ELMO1: variants seen among roughly 807,000 people sequenced by gnomAD.
ELMO1 encodes the protein engulfment and cell motility protein 1.
ELMO1 carries 26 observed loss-of-function variants against 98.9 expected under a neutral mutation model. The ratio of observed to expected loss-of-function variants is 0.26; its 90% CI spans 0.19 to 0.36. ELMO1 has a LOEUF of 0.36. ELMO1 is among the 10% of genes least tolerant of loss of function. The pLI is 1.00. For missense variants in ELMO1, 627 were observed against 935.2 expected (o/e 0.67, Z 4.30); for synonymous variants, 346 against 346.0 (o/e 1.00, Z 0.00).
At chr7:37,338,505 T>G (rs1800542690) in intron 2 of ELMO1, among the ~76,000 whole-genome samples, 1 of 152,178 alleles carries the variant, frequency 6.6e-6, no homozygotes, top group South Asian at 2.1e-4. Flanking sequence ...AAATTTCTGT[T>G]GTTCATAAAT....
rs148979639 is a variant in ELMO1, at chr7:36,998,648, T to C, written c.1437+14651A>G. On this transcript the variant is annotated intron_variant, in intron 16 of 21. Coordinates refer to ENST00000310758, the MANE Select transcript of ELMO1 (RefSeq NM_014800.11). ...GAGAGTGGTTCACAGGGTCAAGGGC[T>C]ACAAAGGTGGCAAACAAGATTGAGA... 3.1e-3 allele frequency among the ~76,000 whole-genome samples: 470 copies of C among 152,256 alleles called. 2 individuals carry two copies. The highest frequency in any genetic ancestry group is 0.011 in the African/African-American group (450 of 41,548).
chr7:37,167,391 C>T (rs1563051061), intron 13 of ELMO1, among the ~76,000 whole-genome samples: 2 of 151,964 alleles, frequency 1.3e-5, no homozygotes, highest in Non-Finnish European at 2.9e-5. Context: ...ATGATGTTAG[C>T]TGGTTATTTT....
intron 21 of ELMO1, among the ~76,000 whole-genome samples, chr7:36,859,836 G>A (rs761727462): frequency 1.3e-5 from 2 of 151,992 alleles, no homozygotes; most frequent in Non-Finnish European, 2.9e-5. Flanking sequence ...ACTTATACAT[G>A]GATTTTTTTC....
intron 16 of ELMO1, among the ~76,000 whole-genome samples, chr7:37,001,101 AT>A (rs770502040): frequency 3.9e-5 from 6 of 152,186 alleles, no homozygotes; most frequent in Non-Finnish European, 8.8e-5. Context: ...GACAACTGCC[AT>A]TTTTATTAAG....
chr7:37,364,792 T>C (rs997666752), intron 1 of ELMO1, among the ~76,000 whole-genome samples: 1 of 152,178 alleles, frequency 6.6e-6, no homozygotes, highest in Non-Finnish European at 1.5e-5. Context: ...TTACCATTGA[T>C]AGAAAGATAA....
chr7:36,987,002 G>C (rs1791556913), intron 16 of ELMO1, among the ~76,000 whole-genome samples: 1 of 152,178 alleles, frequency 6.6e-6, no homozygotes, highest in African/African-American at 2.4e-5. Context: ...GCAAATAAAA[G>C]TTAAAGTTTG....
chr7:37,404,221 C>T (rs972494589), intron 1 of ELMO1, among the ~76,000 whole-genome samples: 1 of 152,140 alleles, frequency 6.6e-6, no homozygotes, highest in Admixed American at 6.5e-5. Flanking sequence ...TTTCCATCCT[C>T]ACTGGTCCAC....
At chr7:37,216,771 T>G in intron 10 of ELMO1, 76 bp from the exon 11 acceptor site, 1 of 1,511,806 alleles carries the variant, frequency 6.6e-7, no homozygotes. Flanking sequence ...AATGACCTTA[T>G]CCTGGGGTGT....
chr7:36,872,822 T>C (rs1041206605), intron 19 of ELMO1, among the ~76,000 whole-genome samples: 1 of 152,206 alleles, frequency 6.6e-6, no homozygotes, highest in Non-Finnish European at 1.5e-5. Flanking sequence ...AAGATTCAAA[T>C]AGAGTTTGAG....
intron 5 of ELMO1, among the ~76,000 whole-genome samples, chr7:37,265,569 G>A (rs528431062): frequency 1.3e-5 from 2 of 152,136 alleles, no homozygotes; most frequent in Admixed American, 6.5e-5. Context: ...GTCCAGCCCT[G>A]CATGGAGAGT....
intron 16 of ELMO1, among the ~76,000 whole-genome samples, chr7:36,933,786 G>C (rs1226141120): frequency 6.6e-6 from 1 of 152,152 alleles, no homozygotes; most frequent in Admixed American, 6.5e-5. Context: ...GCGGGCCTGA[G>C]GCTTCATGGC....
chr7:37,323,381 G>A (rs1370587647), intron 2 of ELMO1, among the ~76,000 whole-genome samples: 1 of 152,102 alleles, frequency 6.6e-6, no homozygotes, highest in African/African-American at 2.4e-5. Flanking sequence ...AAGATTTATT[G>A]CCAATTTTTG....
At chr7:37,005,211 C>A (rs1042194800) in intron 16 of ELMO1, among the ~76,000 whole-genome samples, 2 of 151,836 alleles carry the variant, frequency 1.3e-5, no homozygotes, top group African/African-American at 2.4e-5. Context: ...CATGCTCCTT[C>A]CTTATAAAGA....
intron 15 of ELMO1, among the ~76,000 whole-genome samples, chr7:37,067,490 C>A (rs1436166914): frequency 6.6e-6 from 1 of 152,154 alleles, no homozygotes; most frequent in Non-Finnish European, 1.5e-5. Context: ...TATTTATTTT[C>A]TTCCCATACT....
rs144594007 is a variant in ELMO1 at position 37,130,122 on chromosome 7, T to C, written c.1191+3008A>G. On this transcript the variant is annotated intron_variant, in intron 14 of 21. Transcript: ENST00000310758. ...ACCCCCACATCTGTGTTGGTGACTT[T>C]CCTCTGTGTTCCCAGCATACTCAAT... Among the ~76,000 whole-genome samples the C allele has an allele frequency of 5.2e-3, 797 of 152,304 alleles. 4 individuals are homozygous for C. The highest frequency in any genetic ancestry group is 9.1e-3 in the Non-Finnish European group (620 of 68,012).
At chr7:37,338,654 C>T (rs529173063) in intron 2 of ELMO1, among the ~76,000 whole-genome samples, 3 of 152,186 alleles carry the variant, frequency 2.0e-5, no homozygotes, top group East Asian at 3.9e-4. Context: ...GACTCTTGAC[C>T]GAGAAACAAA....
chr7:37,310,876 C>A (rs1279313329), intron 4 of ELMO1, among the ~76,000 whole-genome samples: 1 of 152,122 alleles, frequency 6.6e-6, no homozygotes, highest in African/African-American at 2.4e-5. Flanking sequence ...ATGAAGACAC[C>A]AATACCTGCA....
At chr7:36,858,610 G>A (rs55768593) in intron 21 of ELMO1, among the ~76,000 whole-genome samples, 54,388 of 152,040 alleles carry the variant, frequency 0.36, 10,308 homozygotes, top group Middle Eastern at 0.49. Flanking sequence ...GGATTATCCA[G>A]GCAGGCCCAA....
intron 2 of ELMO1, among the ~76,000 whole-genome samples, chr7:37,324,031 A>G (rs1799659698): frequency 1.3e-5 from 2 of 152,036 alleles, no homozygotes; most frequent in South Asian, 4.1e-4. Flanking sequence ...TTGGCTGTTT[A>G]TTTAGGAGAT....
Sources: allele counts gnomAD v4.1 joint callset (sites outside exome capture counted in the v4.1 genomes callset), GRCh38; gene constraint gnomAD v4.1.1; transcripts MANE v1.5; gene names NCBI Gene and HGNC (gene_info 2026-07-23, HGNC 2026-07-21).